PRKG1: variants seen among roughly 807,000 people sequenced by gnomAD.
The protein encoded by PRKG1 is protein kinase cGMP-dependent 1, also known as cGMP-dependent protein kinase 1.
Under a neutral mutation model 88.1 loss-of-function variants are expected in PRKG1, and 35 were observed. The observed-to-expected ratio is 0.40, with a 90% confidence interval of 0.30 to 0.53. PRKG1 has a LOEUF of 0.53. Ranked by LOEUF, PRKG1 falls within the 20% of genes least tolerant of loss-of-function variation. The pLI is 0.59. For synonymous variants in PRKG1, 303 were observed against 292.5 expected, an observed-to-expected ratio of 1.04 and a Z score of -0.37; for missense variants, 540 against 839.8, an observed-to-expected ratio of 0.64 and a Z score of 4.41.
rs144663326 is a variant in PRKG1, at chr10:51,082,089, C to T, written c.311+7188C>T. On this transcript the variant is annotated intron_variant, in intron 1 of 17. Transcript: ENST00000373980. ...CATCTTTTTTTTAGGACAAAAACAA[C>T]CCTATGAGGAAGATTCTGGATTATC... 2.6e-3 allele frequency among the ~76,000 whole-genome samples: 403 copies of T among 152,136 alleles called. 1 individual carries two copies. Among genetic ancestry groups the T allele is most frequent in the African/African-American group, 9.2e-3 (381 of 41,478 alleles).
intron 3 of PRKG1, among the ~76,000 whole-genome samples, chr10:51,540,608 T>C (rs1465316552): frequency 1.3e-5 from 2 of 152,196 alleles, no homozygotes; most frequent in African/African-American, 4.8e-5. Flanking sequence ...GTCAGGGAAA[T>C]TTCACATTTA....
chr10:51,834,490 A>AATT (rs1840077964), intron 4 of PRKG1, among the ~76,000 whole-genome samples: 1 of 151,798 alleles, frequency 6.6e-6, no homozygotes, highest in East Asian at 1.9e-4. Flanking sequence ...TATATACAAA[A>AATT]ATTAGCTGGA....
At chr10:51,325,644 TTTG>T (rs1841571496) in intron 2 of PRKG1, among the ~76,000 whole-genome samples, 1 of 152,206 alleles carries the variant, frequency 6.6e-6, no homozygotes, top group African/African-American at 2.4e-5. Context: ...TATATTTGCT[TTTG>T]TTGCTTGTGC....
chr10:52,029,032 A>G (rs1474516064), intron 5 of PRKG1, among the ~76,000 whole-genome samples: 2 of 152,218 alleles, frequency 1.3e-5, no homozygotes, highest in Non-Finnish European at 2.9e-5. Context: ...AAAATAGGTC[A>G]CTTAAGGAGC....
intron 4 of PRKG1, among the ~76,000 whole-genome samples, chr10:51,851,530 T>A (rs556021094): frequency 5.9e-5 from 9 of 152,344 alleles, no homozygotes; most frequent in Admixed American, 2.6e-4. Context: ...ATGGAGGTGA[T>A]GGGCCAGGGT....
At chr10:51,777,260 T>C (rs565645663) in intron 3 of PRKG1, among the ~76,000 whole-genome samples, 1 of 152,146 alleles carries the variant, frequency 6.6e-6, no homozygotes, top group Non-Finnish European at 1.5e-5. Context: ...TGCATTATTA[T>C]GTCTATTACA....
chr10:51,818,096 A>G (rs566649623), intron 4 of PRKG1, among the ~76,000 whole-genome samples: 1 of 152,316 alleles, frequency 6.6e-6, no homozygotes, highest in South Asian at 2.1e-4. Flanking sequence ...ATCTGAAAAT[A>G]TGCAGAATTC....
intron 5 of PRKG1, among the ~76,000 whole-genome samples, chr10:52,048,735 T>C (rs1026384111): frequency 1.3e-5 from 2 of 152,180 alleles, no homozygotes; most frequent in Admixed American, 1.3e-4. Context: ...GTTTTAGAAA[T>C]AAAAGTTCAA....
intron 3 of PRKG1, among the ~76,000 whole-genome samples, chr10:51,627,968 TTCTC>T (rs140669395): frequency 2.6e-4 from 13 of 50,426 alleles, no homozygotes; most frequent in Admixed American, 6.7e-4. Flanking sequence ...CTTTCTTTCT[TTCTC>T]TTTCTTTCTT....
rs1842334380 is a variant in PRKG1, at chr10:52,294,204, A to T, written c.*304A>T. The T allele has an allele frequency of 3.9e-6, 1 of 253,932 alleles. No homozygotes were observed. The highest frequency in any genetic ancestry group is 7.5e-6 in the Non-Finnish European group (1 of 132,694). 15.7% of individuals were successfully genotyped at this position (253,932 alleles called of 1,614,324 possible). On this transcript the variant is annotated 3_prime_UTR_variant, in exon 18 of 18. Coordinates refer to ENST00000373980, the MANE Select transcript of PRKG1 (RefSeq NM_006258.4). Reference sequence around the variant, plus strand: ...CTTGCTTTGCTCTGATTATAATTTGAAAGACTGTAGGAAACACTTCAATGT... The same window carrying T: ...CTTGCTTTGCTCTGATTATAATTTGTAAGACTGTAGGAAACACTTCAATGT...
At chr10:52,231,281 G>T (rs1441126556) in intron 9 of PRKG1, 1 of 151,996 alleles carries the variant, frequency 6.6e-6, no homozygotes, top group Non-Finnish European at 1.5e-5. Flanking sequence ...GGTGCCTGTG[G>T]TCCCAGCTAC....
At chr10:51,445,858 A>T (rs1224464285) in intron 2 of PRKG1, among the ~76,000 whole-genome samples, 2 of 151,520 alleles carry the variant, frequency 1.3e-5, no homozygotes, top group African/African-American at 4.8e-5. Flanking sequence ...TAAAACACTC[A>T]CTTAAAAAAA....
At chr10:51,516,465 G>A (rs111236620) in intron 3 of PRKG1, among the ~76,000 whole-genome samples, 2 of 152,114 alleles carry the variant, frequency 1.3e-5, no homozygotes, top group African/African-American at 4.8e-5. Flanking sequence ...TCGGGAGAGA[G>A]CAGGCACACA....
rs1841179527 is a variant in PRKG1 at position 52,251,816 on chromosome 10, C to T, written c.1173+150C>T. 1.5e-5 allele frequency: 10 copies of T among 655,770 alleles called. No homozygotes were observed. The East Asian group carries it at 2.8e-4, about 19-fold the overall frequency. 40.6% of individuals were successfully genotyped at this position (655,770 alleles called of 1,614,324 possible). The stretch of plus-strand genomic sequence containing the variant: ...TCAGTTCCAAATACTTTGCGGCAGA[C>T]ATGTCATAATTAGACACAAAGTGGG... On this transcript the variant is annotated intron_variant, in intron 10 of 17. Transcript: ENST00000373980.
At chr10:51,607,242 G>A (rs2132237037) in intron 3 of PRKG1, among the ~76,000 whole-genome samples, 1 of 152,354 alleles carries the variant, frequency 6.6e-6, no homozygotes, top group South Asian at 2.1e-4. Flanking sequence ...TTGCAGCTAT[G>A]CATGGGCAGA....
intron 2 of PRKG1, among the ~76,000 whole-genome samples, chr10:51,374,093 A>AAAAAAATAT: frequency 6.0e-5 from 6 of 100,188 alleles, no homozygotes; most frequent in African/African-American, 6.7e-5. Flanking sequence ...AAAAAAAAAA[A>AAAAAAATAT]ATATATATAT....
In PRKG1 at chr10:51,002,688, A is replaced by G. The variant is rs141826067; in HGVS notation, c.266+11044A>G. 5.6e-3 allele frequency among the ~76,000 whole-genome samples: 853 copies of G among 152,260 alleles called. 12 individuals are homozygous for G. Among genetic ancestry groups the G allele is most frequent in the African/African-American group, 0.019 (790 of 41,540 alleles). ...TGACCCCTTTCATGTGAAACCTCCCAGGGGCCTGGATGTGAAGCAGTCTTG... is the reference window on the plus strand; with the variant it reads ...TGACCCCTTTCATGTGAAACCTCCCGGGGGCCTGGATGTGAAGCAGTCTTG... On this transcript the variant is annotated intron_variant, in intron 1 of 17. Transcript: ENST00000401604.
chr10:51,648,150 A>C (rs1353056247), intron 3 of PRKG1, among the ~76,000 whole-genome samples: 1 of 152,120 alleles, frequency 6.6e-6, no homozygotes, highest in Non-Finnish European at 1.5e-5. Flanking sequence ...ATAAATATTT[A>C]TGGGATGCCT....
chr10:51,593,942 C>T (rs770152183), intron 3 of PRKG1, among the ~76,000 whole-genome samples: 20 of 152,216 alleles, frequency 1.3e-4, no homozygotes, highest in Admixed American at 3.3e-4. Flanking sequence ...CCAGGCTGAT[C>T]TTGAACTCCT....
Sources: allele counts gnomAD v4.1 joint callset (sites outside exome capture counted in the v4.1 genomes callset), GRCh38; gene constraint gnomAD v4.1.1; transcripts MANE v1.5; gene names NCBI Gene and HGNC (gene_info 2026-07-23, HGNC 2026-07-21).